Variants in RAD51 observed in about 807,000 individuals in gnomAD.
RAD51 encodes the protein RAD51 recombinase, also known as DNA repair protein RAD51 homolog 1.
RAD51 carries 14 observed loss-of-function variants against 41.5 expected under a neutral mutation model. The observed-to-expected ratio is 0.34, with a 90% CI of 0.22 to 0.53. The LOEUF (loss-of-function observed/expected upper bound fraction) is 0.53, where lower values mean the gene tolerates loss of function less well. Ranked by LOEUF, RAD51 falls within the 20% of genes least tolerant of loss-of-function variation. The pLI is 0.95. For synonymous variants in RAD51, 136 were observed against 148.6 expected (o/e 0.92, Z 0.62); for missense variants, 234 against 422.0 (o/e 0.55, Z 3.90).
chr15:40,704,978 T>C (rs569939024), intron 3 of RAD51, among the ~76,000 whole-genome samples: 1 of 152,130 alleles, frequency 6.6e-6, no homozygotes, highest in African/African-American at 2.4e-5. Context: ...ACCCTGCTAA[T>C]TTTAAAACAT....
intron 6 of RAD51, among the ~76,000 whole-genome samples, chr15:40,724,055 C>T (rs552719760): frequency 2.0e-5 from 3 of 152,206 alleles, no homozygotes; most frequent in South Asian, 2.1e-4. Context: ...GTTTTATAAT[C>T]GAATTATCTT....
intron 8 of RAD51, 98 bp from the exon 9 acceptor site, chr15:40,729,755 A>G (rs2071621579): frequency 1.9e-6 from 3 of 1,610,334 alleles, no homozygotes; most frequent in African/African-American, 1.3e-5. Flanking sequence ...GAAGAGAGAC[A>G]TTAGTTATTC....
In RAD51 at chr15:40,731,585, A is replaced by T; in HGVS notation, c.*407A>T. On this transcript the variant is annotated 3_prime_UTR_variant, in exon 10 of 10. Transcript: ENST00000267868. ...GTAAAATAAAATGCCTCAGCTATGT[A>T]GCAAAGGGAATGGGTCTGCACAGAT... The T allele has an allele frequency of 3.1e-6, 1 of 326,768 alleles. No homozygotes were observed. The highest frequency in any genetic ancestry group is 2.1e-5 in the African/African-American group (1 of 48,464). 20.2% of individuals were successfully genotyped at this position (326,768 alleles called of 1,614,324 possible).
intron 1 of RAD51, 104 bp from the exon 2 acceptor site, chr15:40,698,653 C>T (rs45606746): frequency 8.5e-5 from 95 of 1,123,590 alleles, no homozygotes; most frequent in Non-Finnish European, 9.2e-5. Context: ...ATGGCCTTGG[C>T]TTTTCCTAAA....
At position 40,713,817 on chromosome 15, in the gene RAD51, A is replaced by G. The variant is rs535413260; in HGVS notation, c.435+4701A>G. ...GAGACAGGTTTTCACCGTATTAGCC[A>G]GGATGGTCTCGATCTCCTGACCTTG... On this transcript the variant is annotated intron_variant, in intron 5 of 9. Coordinates refer to ENST00000267868, the MANE Select transcript of RAD51 (RefSeq NM_002875.5). Among the ~76,000 whole-genome samples, 13 of 151,594 alleles carry G rather than the reference A, an allele frequency of 8.6e-5. No homozygotes were observed. In the South Asian group the frequency reaches 2.7e-3, roughly 32 times the overall value.
chr15:40,705,679 A>T (rs1331428261), intron 3 of RAD51, among the ~76,000 whole-genome samples: 2 of 152,086 alleles, frequency 1.3e-5, no homozygotes, highest in Non-Finnish European at 2.9e-5. Flanking sequence ...ATCTCGGCTC[A>T]CTGCAAGCTC....
At chr15:40,715,410 C>T (rs571194042) in intron 5 of RAD51, among the ~76,000 whole-genome samples, 5 of 152,142 alleles carry the variant, frequency 3.3e-5, no homozygotes, top group Non-Finnish European at 7.4e-5. Context: ...TACCCTTTGA[C>T]AGAAAATTTG....
chr15:40,724,601 C>T (rs1262866687), intron 6 of RAD51, among the ~76,000 whole-genome samples: 3 of 151,376 alleles, frequency 2.0e-5, no homozygotes, highest in Non-Finnish European at 4.4e-5. Flanking sequence ...CTCCAGGGCT[C>T]AAGCAGTCCC....
At chr15:40,710,241 CAAAAAAAAAAAAAA>C (rs71104728) in intron 5 of RAD51, among the ~76,000 whole-genome samples, 4 of 44,312 alleles carry the variant, frequency 9.0e-5, no homozygotes, top group African/African-American at 2.4e-4. Context: ...GACTCTGTCT[CAAAAAAAAAAAAAA>C]AAAAAAAAAA....
In RAD51 at chr15:40,728,864, G is replaced by A. The variant is rs201922750; in HGVS notation, c.644+40G>A. On this transcript the variant is annotated intron_variant, in intron 7 of 9. Coordinates refer to ENST00000267868, the MANE Select transcript of RAD51 (RefSeq NM_002875.5). ...TAAGACACCAAATATGTTCTTAAGA[G>A]TCCTTCCCTGAATCTTGTAATGGCT... is the stretch of plus-strand genomic sequence containing the variant. 2.5e-4 allele frequency: 382 copies of A among 1,514,278 alleles called. No homozygotes were observed. The African/African-American group carries it at 4.3e-3, about 17-fold the overall frequency. The allele number at this position is 1,514,278 out of a possible 1,614,324, so 93.8% of individuals were successfully genotyped here.
At chr15:40,699,217 C>T (rs1378872747) in intron 2 of RAD51, among the ~76,000 whole-genome samples, 1 of 152,160 alleles carries the variant, frequency 6.6e-6, no homozygotes, top group Non-Finnish European at 1.5e-5. Context: ...GATCTCGGCT[C>T]ACCGCAACCT....
chr15:40,722,417 GAAA>G (rs35073579), intron 6 of RAD51, among the ~76,000 whole-genome samples: 196 of 130,514 alleles, frequency 1.5e-3, no homozygotes, highest in African/African-American at 5.1e-3. Flanking sequence ...CTGGCTCGGG[GAAA>G]AAAAAAAAAA....
At chr15:40,700,511 C>T (rs1422171111) in intron 2 of RAD51, among the ~76,000 whole-genome samples, 1 of 152,094 alleles carries the variant, frequency 6.6e-6, no homozygotes, top group African/African-American at 2.4e-5. Flanking sequence ...TTAAAGTGGT[C>T]TTGTAGGGCC....
At chr15:40,719,491 T>C (rs1440418866) in intron 6 of RAD51, among the ~76,000 whole-genome samples, 1 of 152,146 alleles carries the variant, frequency 6.6e-6, no homozygotes, top group East Asian at 1.9e-4. Context: ...ATAGTAACCA[T>C]AAGAGACACT....
At chr15:40,717,487 T>A (rs1896048420) in intron 5 of RAD51, among the ~76,000 whole-genome samples, 1 of 152,228 alleles carries the variant, frequency 6.6e-6, no homozygotes, top group Non-Finnish European at 1.5e-5. Context: ...ACTTAAACTT[T>A]GTAGAAAAAT....
At chr15:40,697,348 C>A (rs1225403463) in intron 1 of RAD51, among the ~76,000 whole-genome samples, 2 of 152,142 alleles carry the variant, frequency 1.3e-5, no homozygotes, top group African/African-American at 2.4e-5. Context: ...AGGTGATCTG[C>A]CCGCCTTGGC....
At chr15:40,722,419 A>C (rs62018562) in intron 6 of RAD51, among the ~76,000 whole-genome samples, 122 of 133,000 alleles carry the variant, frequency 9.2e-4, no homozygotes, top group African/African-American at 1.5e-3. Flanking sequence ...GGCTCGGGGA[A>C]AAAAAAAAAA....
At chr15:40,719,759 G>C (rs2141859749) in intron 6 of RAD51, among the ~76,000 whole-genome samples, 1 of 152,132 alleles carries the variant, frequency 6.6e-6, no homozygotes, top group Non-Finnish European at 1.5e-5. Flanking sequence ...CTGAACCCGG[G>C]AGGCGGAGCT....
intron 6 of RAD51, among the ~76,000 whole-genome samples, chr15:40,723,884 C>T (rs1367719429): frequency 1.3e-5 from 2 of 152,126 alleles, no homozygotes; most frequent in African/African-American, 4.8e-5. Flanking sequence ...TAAATACATC[C>T]TCAAAACTGT....
Sources: allele counts gnomAD v4.1 joint callset (sites outside exome capture counted in the v4.1 genomes callset), GRCh38; gene constraint gnomAD v4.1.1; transcripts MANE v1.5; gene names NCBI Gene and HGNC (gene_info 2026-07-23, HGNC 2026-07-21).